MAD1L1: variants seen among roughly 807,000 people sequenced by gnomAD.
MAD1L1 encodes mitotic arrest deficient 1 like 1.
In MAD1L1, 95 loss-of-function variants were observed where a neutral mutation model predicts 96.9. The ratio of observed to expected loss-of-function variants is 0.98; its 90% CI spans 0.83 to 1.16. The LOEUF (loss-of-function observed/expected upper bound fraction) is 1.16. Among genes scored for constraint, MAD1L1 ranks in the 50% most tolerant of loss-of-function variants. The pLI is 0.00. For synonymous variants in MAD1L1, 473 were observed against 396.6 expected (o/e 1.19, Z -2.29); for missense variants, 1,007 against 954.4 (o/e 1.06, Z -0.73).
intron 18 of MAD1L1, among the ~76,000 whole-genome samples, chr7:1,885,115 C>G (rs1044693891): frequency 2.6e-5 from 4 of 152,174 alleles, no homozygotes. Flanking sequence ...AGCAGAGGCC[C>G]TGTGGTAGAG....
At chr7:1,947,691 G>A (rs569477885) in intron 16 of MAD1L1, among the ~76,000 whole-genome samples, 3 of 152,158 alleles carry the variant, frequency 2.0e-5, no homozygotes, top group Non-Finnish European at 2.9e-5. Context: ...TCTCCTGCCC[G>A]TGGCCTTGCC....
chr7:2,057,201 T>C (rs971875872), intron 12 of MAD1L1, among the ~76,000 whole-genome samples: 31 of 152,210 alleles, frequency 2.0e-4, no homozygotes, highest in Non-Finnish European at 3.5e-4. Context: ...AGCACCTAAA[T>C]GTGCCAGGCT....
At chr7:1,890,416 C>T (rs146879793) in intron 18 of MAD1L1, among the ~76,000 whole-genome samples, 1 of 152,350 alleles carries the variant, frequency 6.6e-6, no homozygotes, top group African/African-American at 2.4e-5. Flanking sequence ...TGGCCTCCTG[C>T]CATGTGATCT....
chr7:2,227,810 C>T (rs567482586), intron 3 of MAD1L1, among the ~76,000 whole-genome samples: 3 of 152,324 alleles, frequency 2.0e-5, no homozygotes, highest in East Asian at 1.9e-4. Context: ...GTGGGCACCC[C>T]GCCTGCAGGG....
Position 1,954,074 on chromosome 7 carries a change from C to G in MAD1L1, c.1596+3555G>C, listed in dbSNP as rs574824956. Among the ~76,000 whole-genome samples, 29 of 152,356 alleles carry G rather than the reference C, an allele frequency of 1.9e-4. No individual in the cohort carries two copies. In the South Asian group the frequency reaches 6.0e-3, roughly 32 times the overall value. On this transcript the variant is annotated intron_variant, in intron 16 of 18. Coordinates refer to ENST00000265854, the MANE Select transcript of MAD1L1 (RefSeq NM_001013836.2). Reference sequence around the variant, plus strand: ...AGCCCCGACCAGCCTCACTGTGGGTCCTGCCCCAGCTCGGTGCCCTCCATC... The same window carrying G: ...AGCCCCGACCAGCCTCACTGTGGGTGCTGCCCCAGCTCGGTGCCCTCCATC...
rs894881807 is a variant in MAD1L1, at chr7:2,104,526, C to A, written c.1074-35188G>T. Among the ~76,000 whole-genome samples the A allele has an allele frequency of 5.3e-5, 8 of 152,372 alleles. No individual in the cohort carries two copies. In the East Asian group the frequency reaches 1.5e-3, roughly 29 times the overall value. ...CACGCGCTCTGCCACCAGAGACAGG[C>A]TGGGCTCAAATGAGAAGGAATGAAA... is the stretch of plus-strand genomic sequence containing the variant. On this transcript the variant is annotated intron_variant, in intron 11 of 18. Transcript: ENST00000265854.
intron 4 of MAD1L1, among the ~76,000 whole-genome samples, chr7:2,225,202 C>T (rs1793819192): frequency 6.8e-6 from 1 of 148,046 alleles, no homozygotes; most frequent in Non-Finnish European, 1.5e-5. Context: ...CAGCTGGGTT[C>T]TCATTTCCTA....
chr7:2,143,120 G>A (rs1789124380), intron 11 of MAD1L1, among the ~76,000 whole-genome samples: 1 of 152,060 alleles, frequency 6.6e-6, no homozygotes, highest in Non-Finnish European at 1.5e-5. Flanking sequence ...TGCACCCTGA[G>A]CCAGCACCGT....
Position 2,114,536 on chromosome 7 carries a change from A to G in MAD1L1, c.1073+34616T>C, listed in dbSNP as rs1358998192. ...GGGTCACCTCCCTGCAGCAAGGCCCAAGCCGACGTCACGTGGCAGAAGGAT... is the reference window on the plus strand; with the variant it reads ...GGGTCACCTCCCTGCAGCAAGGCCCGAGCCGACGTCACGTGGCAGAAGGAT... On this transcript the variant is annotated intron_variant, in intron 11 of 18. Coordinates refer to ENST00000265854, the MANE Select transcript of MAD1L1 (RefSeq NM_001013836.2). The surrounding 1 kb of genome is among the most constrained non-coding windows in gnomAD (Gnocchi z 4.2). Among the ~76,000 whole-genome samples the G allele has an allele frequency of 6.6e-6, 1 of 152,250 alleles. No homozygotes were observed. Among genetic ancestry groups the G allele is most frequent in the African/African-American group, 2.4e-5 (1 of 41,472 alleles).
intron 10 of MAD1L1, among the ~76,000 whole-genome samples, chr7:2,193,713 G>A (rs1364702587): frequency 6.6e-6 from 1 of 152,190 alleles, no homozygotes; most frequent in Non-Finnish European, 1.5e-5. Flanking sequence ...AAACCTCACT[G>A]TGCACTGCCA....
chr7:2,149,405 C>G (rs979294784), intron 10 of MAD1L1, among the ~76,000 whole-genome samples, 167 bp from the exon 11 acceptor site: 1 of 152,194 alleles, frequency 6.6e-6, no homozygotes, highest in African/African-American at 2.4e-5. Flanking sequence ...GCACTACAGC[C>G]TGGGGTCAAC....
intron 18 of MAD1L1, among the ~76,000 whole-genome samples, chr7:1,825,002 T>C (rs1782317156): frequency 8.1e-6 from 1 of 122,720 alleles, no homozygotes; most frequent in East Asian, 2.5e-4. Context: ...AAAGGACTCT[T>C]AGAAAATCAA....
In MAD1L1 at chr7:1,981,908, A is replaced by G. The variant is rs146489034; in HGVS notation, c.1417-1367T>C. 4.0e-3 allele frequency among the ~76,000 whole-genome samples: 614 copies of G among 152,214 alleles called. 5 individuals carry two copies. Among genetic ancestry groups the G allele is most frequent in the African/African-American group, 0.014 (563 of 41,516 alleles). ...ACTATGTACCCCATAAATATATACAATTATCATGGGTCCATTAAAAAGAAA... is the reference window on the plus strand; with the variant it reads ...ACTATGTACCCCATAAATATATACAGTTATCATGGGTCCATTAAAAAGAAA... On this transcript the variant is annotated intron_variant, in intron 14 of 18. Transcript: ENST00000265854.
At chr7:2,014,461 C>T (rs1403134644) in intron 13 of MAD1L1, 41 bp downstream of exon 13, 5 of 1,522,180 alleles carry the variant, frequency 3.3e-6, no homozygotes, top group African/African-American at 2.7e-5. Flanking sequence ...CGGGAAGAAG[C>T]CCCACCTGGC....
At chr7:1,906,860 C>G (rs1034352387) in intron 17 of MAD1L1, among the ~76,000 whole-genome samples, 4 of 152,234 alleles carry the variant, frequency 2.6e-5, no homozygotes, top group African/African-American at 9.7e-5. Context: ...ACACAGCGGA[C>G]GGGACACACA....
chr7:1,927,591 G>A (rs115601257), intron 17 of MAD1L1, among the ~76,000 whole-genome samples: 1 of 152,158 alleles, frequency 6.6e-6, no homozygotes, highest in Non-Finnish European at 1.5e-5. Context: ...ATGGTGGCAG[G>A]ACAGTCAGTT....
chr7:1,874,261 T>G, intron 18 of MAD1L1, among the ~76,000 whole-genome samples: 1 of 151,604 alleles, frequency 6.6e-6, no homozygotes, highest in African/African-American at 2.4e-5. Flanking sequence ...TTTGGGGAGG[T>G]GACACACACT....
rs1397415769 is a variant in MAD1L1, at chr7:2,142,368, G to A, written c.1073+6784C>T. On this transcript the variant is annotated intron_variant, in intron 11 of 18. Transcript: ENST00000265854. This position sits in a 1 kb window ranked among gnomAD's most constrained non-coding sequence, Gnocchi z 4.7. The stretch of plus-strand genomic sequence containing the variant: ...GGTGCAGGGCTGGGTTGGGGGCTGA[G>A]GCCTCTATGGCGCAGGTGCACTGTG... Among the ~76,000 whole-genome samples, 1 of 152,232 alleles carries A rather than the reference G, an allele frequency of 6.6e-6. No individual in the cohort carries two copies. Among genetic ancestry groups the A allele is most frequent in the African/African-American group, 2.4e-5 (1 of 41,464 alleles).
Position 1,995,554 on chromosome 7 carries a change from G to A in MAD1L1, c.1416+6511C>T, listed in dbSNP as rs1288854261. On this transcript the variant is annotated intron_variant, in intron 14 of 18. Transcript: ENST00000265854. ...AAGGGCGGGCGCAGGAGCCCCAGGCGGGGGGCCCAGGAGAGGCCGCCTCCA... is the reference window on the plus strand; with the variant it reads ...AAGGGCGGGCGCAGGAGCCCCAGGCAGGGGGCCCAGGAGAGGCCGCCTCCA... 2.6e-5 allele frequency among the ~76,000 whole-genome samples: 4 copies of A among 152,146 alleles called. No individual in the cohort carries two copies. In the South Asian group the frequency reaches 6.2e-4, roughly 24 times the overall value.
Sources: gnomAD v4.1 joint callset for allele counts (sites outside exome capture counted in the v4.1 genomes callset) on GRCh38, gnomAD v4.1.1 for gene constraint, Gnocchi (gnomAD v3.1) non-coding constraint, MANE v1.5 for transcripts, NCBI Gene and HGNC (gene_info 2026-07-23, HGNC 2026-07-21) for gene names.